GRK3: variants seen among roughly 807,000 people sequenced by gnomAD.
The protein encoded by GRK3 is G protein-coupled receptor kinase 3.
A neutral mutation model predicts 95.7 loss-of-function variants in GRK3; 54 were observed. The observed-to-expected ratio is 0.56, with a 90% CI of 0.45 to 0.71. The LOEUF (loss-of-function observed/expected upper bound fraction) is 0.71. Among genes scored for constraint, GRK3 ranks in the 30% least tolerant of loss-of-function variants. The probability of loss-of-function intolerance (pLI) is 0.00; values close to 1 mark genes in which losing one functional copy is unlikely to be tolerated. For missense variants in GRK3, 649 were observed against 851.2 expected (o/e 0.76, Z 2.96); for synonymous variants, 281 against 290.8 (o/e 0.97, Z 0.34).
intron 9 of GRK3, 134 bp from the exon 10 acceptor site, chr22:25,685,036 A>G: frequency 1.6e-6 from 1 of 630,106 alleles, no homozygotes; most frequent in South Asian, 2.0e-5. Flanking sequence ...ACTGTACACC[A>G]TAAATATGTA....
chr22:25,620,008 G>T (rs2331134), intron 2 of GRK3, among the ~76,000 whole-genome samples: 15,253 of 59,648 alleles, frequency 0.26, 835 homozygotes, highest in East Asian at 0.4. Context: ...TGTCTTTTTT[G>T]TGTGTGTGTG....
chr22:25,678,816 G>A lies in GRK3; in HGVS notation c.648G>A (p.Met216Ile), dbSNP rs1468666089. Residue 216 changes from methionine (M) to isoleucine (I), a missense_variant and splice_region_variant, in exon 9 of 21, where the codon ATG becomes ATA. By Grantham distance (10) the Met-to-Ile change is conservative. Around this residue, in one of 3 missense-constraint regions of GRK3, gnomAD observed 61 missense variants for 126.0 expected, o/e 0.48. Transcript: ENST00000324198. ...YGCRKADTGKMYAMKCLDKKR... is the reference protein window; with the variant it reads ...YGCRKADTGKIYAMKCLDKKR... ...TTTTTCAATAAATTTATGTTTCTAG[G>A]TATGCAATGAAATGCTTAGATAAGA... 6.5e-7 allele frequency: 1 copy of A among 1,544,552 alleles called. No individual in the cohort carries two copies. Among genetic ancestry groups the A allele is most frequent in the Non-Finnish European group, 8.9e-7 (1 of 1,126,094 alleles).
At chr22:25,624,530 T>C (rs1250993518) in intron 2 of GRK3, among the ~76,000 whole-genome samples, 3 of 152,114 alleles carry the variant, frequency 2.0e-5, no homozygotes, top group East Asian at 1.9e-4. Context: ...CGCCACTGCA[T>C]TCCAGCCTGG....
chr22:25,649,081 G>T, intron 3 of GRK3: 1 of 1,529,256 alleles, frequency 6.5e-7, no homozygotes, highest in African/African-American at 1.4e-5. Context: ...AGGATGCCTT[G>T]CCCTCAGGGC....
At chr22:25,670,979 G>A (rs887833643) in intron 6 of GRK3, among the ~76,000 whole-genome samples, 4 of 151,418 alleles carry the variant, frequency 2.6e-5, no homozygotes, top group Non-Finnish European at 4.4e-5. Flanking sequence ...GCATGAACCC[G>A]GGAGGCGGAG....
chr22:25,684,790 A>G (rs1422724642), intron 9 of GRK3, among the ~76,000 whole-genome samples: 1 of 152,216 alleles, frequency 6.6e-6, no homozygotes, highest in Non-Finnish European at 1.5e-5. Flanking sequence ...GCATTTTATT[A>G]TGTAACCAGC....
Position 25,641,685 on chromosome 22 carries a change from G to C in GRK3, c.191-2907G>C, listed in dbSNP as rs117384661. On this transcript the variant is annotated intron_variant, in intron 2 of 20. Coordinates refer to ENST00000324198, the MANE Select transcript of GRK3 (RefSeq NM_005160.4). ...GATATGTGAAGTGAGCTAGTGAGCT[G>C]TTCATTTAGAAGATCCAGGAAAAGT... is the stretch of plus-strand genomic sequence containing the variant. Among the ~76,000 whole-genome samples, 1,084 of 152,314 alleles carry C rather than the reference G, an allele frequency of 7.1e-3. 8 individuals carry two copies. Among genetic ancestry groups the C allele is most frequent in the Non-Finnish European group, 0.013 (857 of 68,022 alleles).
chr22:25,576,461 C>G (rs775187485), intron 1 of GRK3, among the ~76,000 whole-genome samples: 6 of 152,188 alleles, frequency 3.9e-5, no homozygotes, highest in Non-Finnish European at 7.3e-5. Flanking sequence ...GCTGCCTAGA[C>G]CAGAAACCTT....
intron 15 of GRK3, among the ~76,000 whole-genome samples, chr22:25,705,506 G>A (rs2085292892): frequency 6.6e-6 from 1 of 151,888 alleles, no homozygotes; most frequent in South Asian, 2.1e-4. Context: ...ATGAAGAAGG[G>A]GTATTTACAC....
chr22:25,607,221 A>C (rs562368028), intron 2 of GRK3, among the ~76,000 whole-genome samples: 2 of 152,176 alleles, frequency 1.3e-5, no homozygotes, highest in African/African-American at 4.8e-5. Flanking sequence ...GTTTTGTGCT[A>C]TATGCATCTC....
At chr22:25,719,453 C>A (rs941778728) in intron 19 of GRK3, among the ~76,000 whole-genome samples, 1 of 152,162 alleles carries the variant, frequency 6.6e-6, no homozygotes, top group African/African-American at 2.4e-5. Context: ...AAGATGCTTC[C>A]TTGTGTCTCC....
intron 6 of GRK3, among the ~76,000 whole-genome samples, chr22:25,671,907 G>T (rs79702800): frequency 2.0e-5 from 3 of 152,172 alleles, no homozygotes; most frequent in Non-Finnish European, 4.4e-5. Flanking sequence ...AGATTTCAAA[G>T]ACTTAATATA....
chr22:25,695,167 T>C lies in GRK3; in HGVS notation c.1113T>C (p.Ser371=). 6.2e-7 allele frequency: 1 copy of C among 1,614,198 alleles called. No homozygotes were observed. Among genetic ancestry groups the C allele is most frequent in the Non-Finnish European group, 8.5e-7 (1 of 1,180,010 alleles). ...AGAAGGGGACGGCCTATGACAGCAG[T>C]GCCGACTGGTTCTCCCTGGGCTGCA... ...VLQKGTAYDS[S]ADWFSLGCML... Residue 371 remains serine (S), a synonymous_variant, in exon 13 of 21, where the codon AGT becomes AGC. Transcript: ENST00000324198.
At chr22:25,613,007 A>G (rs933364704) in intron 2 of GRK3, among the ~76,000 whole-genome samples, 17 of 152,252 alleles carry the variant, frequency 1.1e-4, no homozygotes, top group Non-Finnish European at 2.2e-4. Flanking sequence ...GTCAGTTTCA[A>G]TGAATAAACT....
At chr22:25,565,339 G>C (rs963632271) in intron 1 of GRK3, among the ~76,000 whole-genome samples, 186 bp downstream of exon 1, 1 of 152,164 alleles carries the variant, frequency 6.6e-6, no homozygotes, top group African/African-American at 2.4e-5. Context: ...GAGGGCCGGT[G>C]GGGGGCACCC....
chr22:25,669,833 C>T (rs2084967122), intron 6 of GRK3, among the ~76,000 whole-genome samples: 1 of 152,186 alleles, frequency 6.6e-6, no homozygotes, highest in African/African-American at 2.4e-5. Flanking sequence ...GTCAGATTTC[C>T]ATCCCCTGTC....
chr22:25,675,190 G>A (rs1383556277), intron 8 of GRK3, among the ~76,000 whole-genome samples: 1 of 152,134 alleles, frequency 6.6e-6, no homozygotes, highest in Admixed American at 6.5e-5. Flanking sequence ...CTTTGCAAAA[G>A]AGAGACATTC....
rs1428919641 is a variant in GRK3, at chr22:25,725,686, C to A, written c.*3236C>A. 2.5e-6 allele frequency: 1 copy of A among 398,434 alleles called. No homozygotes were observed. The highest frequency in any genetic ancestry group is 4.4e-6 in the Non-Finnish European group (1 of 226,076). The allele number at this position is 398,434 out of a possible 1,614,324, so 24.7% of individuals were successfully genotyped here. A position where few individuals can be genotyped will look rare whatever the true frequency, so the allele number is the denominator to read the frequency against. On this transcript the variant is annotated 3_prime_UTR_variant, in exon 21 of 21. Transcript: ENST00000324198. ...GGCTGGCCGGGCACGATGGCTCACG[C>A]CTATAATCCCAGCACTTTGGGAGGC... is the stretch of plus-strand genomic sequence containing the variant.
At chr22:25,677,348 C>G (rs1168240297) in intron 8 of GRK3, among the ~76,000 whole-genome samples, 1 of 138,400 alleles carries the variant, frequency 7.2e-6, no homozygotes, top group Non-Finnish European at 1.5e-5. Context: ...TGGACTCCAG[C>G]CTGGGCAACA....
Sources: gnomAD v4.1 joint callset for allele counts (sites outside exome capture counted in the v4.1 genomes callset) on GRCh38, gnomAD v4.1.1 for gene constraint, gnomAD v4.1.1 regional missense constraint, MANE v1.5 for transcripts, NCBI Gene and HGNC (gene_info 2026-07-23, HGNC 2026-07-21) for gene names.